C1orf146: variants seen among roughly 807,000 people sequenced by gnomAD.
C1orf146 encodes chromosome 1 open reading frame 146, also known as protein SPO16 homolog.
In C1orf146, 22 loss-of-function variants were observed where a neutral mutation model predicts 23.0. The observed-to-expected ratio is 0.96, with a 90% CI of 0.68 to 1.36. The LOEUF (loss-of-function observed/expected upper bound fraction) is 1.36. Ranked by LOEUF, C1orf146 falls within the 40% of genes most tolerant of loss-of-function variation. The pLI, the probability that C1orf146 is intolerant of heterozygous loss-of-function variation, is 0.00. For synonymous variants in C1orf146, 59 were observed against 65.3 expected (o/e 0.90, Z 0.47); for missense variants, 199 against 206.8 (o/e 0.96, Z 0.23).
intron 1 of C1orf146, among the ~76,000 whole-genome samples, chr1:92,224,607 CGTTTATCGTAAAGACAGT>C (rs1052690344): frequency 1.8e-4 from 28 of 152,112 alleles, no homozygotes; most frequent in African/African-American, 6.8e-4. Flanking sequence ...GTTCCAACAC[CGTTTATCGTAAAGACAGT>C]CTAGCTCAAT....
At chr1:92,223,250 T>A (rs1396792382) in intron 1 of C1orf146, among the ~76,000 whole-genome samples, 2 of 152,230 alleles carry the variant, frequency 1.3e-5, no homozygotes, top group Non-Finnish European at 2.9e-5. Context: ...ATTTTCCAAG[T>A]GCTTGTACCA....
intron 2 of C1orf146, among the ~76,000 whole-genome samples, chr1:92,232,007 A>G (rs535998488): frequency 1.3e-4 from 20 of 152,288 alleles, no homozygotes; most frequent in African/African-American, 4.8e-4. Flanking sequence ...TGATGTCTGG[A>G]ATGAAGGGGC....
Sources: gnomAD v4.1 joint callset for allele counts (sites outside exome capture counted in the v4.1 genomes callset) on GRCh38, gnomAD v4.1.1 for gene constraint, MANE v1.5 for transcripts, NCBI Gene and HGNC (gene_info 2026-07-23, HGNC 2026-07-21) for gene names.